FBRS: variants seen among roughly 807,000 people sequenced by gnomAD.
FBRS encodes the protein fibrosin, also known as probable fibrosin-1.
Under a neutral mutation model 86.1 loss-of-function variants are expected in FBRS, and 15 were observed. That is an observed-to-expected ratio of 0.17 (90% CI 0.12 to 0.27). FBRS has a LOEUF of 0.27. Among genes scored for constraint, FBRS ranks in the 10% least tolerant of loss-of-function variants. The pLI is 1.00. For synonymous variants in FBRS, 666 were observed against 575.8 expected, an observed-to-expected ratio of 1.16 and a Z score of -2.24; for missense variants, 1,367 against 1,301.6, an observed-to-expected ratio of 1.05 and a Z score of -0.77.
In FBRS at chr16:30,666,904, C is replaced by T. The variant is rs1310314336; in HGVS notation, c.1804-15C>T. ...TTCCTTCCCTTTCCCTTTGGTCATC[C>T]TTCTGGGGCGGCAGAAACCAGGGAA... On this transcript the variant is annotated splice_polypyrimidine_tract_variant and intron_variant, in intron 12 of 17. Transcript: ENST00000356166. 1.9e-6 allele frequency: 3 copies of T among 1,610,234 alleles called. No homozygotes were observed. The highest frequency in any genetic ancestry group is 2.5e-6 in the Non-Finnish European group (3 of 1,178,296).
chr16:30,664,399 CCCCCCCCA>C lies in FBRS; in HGVS notation c.1243_1250del (p.Pro415ThrfsTer32). Reference sequence around the variant, plus strand: ...CAGCTTTCCCCCTCCCGGGCTGCGGCCCCCCCCACCACCCCACCACCCCTCCTTGTTCT... The same window carrying C: ...CAGCTTTCCCCCTCCCGGGCTGCGGCCCACCCCACCACCCCTCCTTGTTCT... On this transcript the variant is annotated frameshift_variant, in exon 7 of 18. Coordinates refer to ENST00000356166, the MANE Select transcript of FBRS (RefSeq NM_001105079.3). LOFTEE classifies it high-confidence loss of function. The C allele has an allele frequency of 1.2e-6, 1 of 813,428 alleles. No individual in the cohort carries two copies. The highest frequency in any genetic ancestry group is 1.9e-6 in the Non-Finnish European group (1 of 536,060). The allele number at this position is 813,428 out of a possible 1,614,324, so 50.4% of individuals were successfully genotyped here.
chr16:30,665,337 G>A lies in FBRS; in HGVS notation c.1640G>A (p.Gly547Glu). 1 of 1,566,222 alleles carries A rather than the reference G, an allele frequency of 6.4e-7. No homozygotes were observed. Among genetic ancestry groups the A allele is most frequent in the Non-Finnish European group, 8.6e-7 (1 of 1,156,486 alleles). ...PYTAFPPAVP[G>E]LPPGLPPAVS... ...ACGGCCTTCCCTCCCGCAGTGCCCG[G>A]GCTGCCTCCGGGCCTCCCGCCGGCC... is the stretch of plus-strand genomic sequence containing the variant. Residue 547 changes from glycine to glutamate, a missense_variant, in exon 10 of 18, where the codon GGG becomes GAG. Coordinates refer to ENST00000356166, the MANE Select transcript of FBRS (RefSeq NM_001105079.3). This position sits in a 1 kb window ranked among gnomAD's most constrained non-coding sequence, Gnocchi z 4.1.
intron 6 of FBRS, among the ~76,000 whole-genome samples, chr16:30,663,323 G>C (rs777887286): frequency 4.6e-5 from 7 of 152,122 alleles, no homozygotes; most frequent in Non-Finnish European, 1.0e-4. Flanking sequence ...CTGTTGTGAG[G>C]ATTAACTACG....
intron 1 of FBRS, 104 bp from the exon 2 acceptor site, chr16:30,660,159 C>A (rs1228655313): frequency 7.1e-7 from 1 of 1,410,880 alleles, no homozygotes; most frequent in East Asian, 2.8e-5. Flanking sequence ...TCTCTGGGGA[C>A]CCGGTTTCCC....
At chr16:30,661,259 G>T (rs1488226097) in intron 3 of FBRS, 44 bp downstream of exon 3, 25 of 1,550,748 alleles carry the variant, frequency 1.6e-5, no homozygotes, top group Non-Finnish European at 2.2e-5. Flanking sequence ...GCTCCACCCT[G>T]GGCCTCTTCC....
At chr16:30,660,464 C>G (rs979629438) in intron 2 of FBRS, 22 bp downstream of exon 2, 47 of 1,256,508 alleles carry the variant, frequency 3.7e-5, no homozygotes, top group East Asian at 6.3e-5. Context: ...CCTTAAAACT[C>G]TTTAGGCAGA....
At position 30,665,933 on chromosome 16, in the gene FBRS, T is replaced by G. The variant is rs768353566; in HGVS notation, c.1773+227T>G. On this transcript the variant is annotated intron_variant, in intron 11 of 17. Coordinates refer to ENST00000356166, the MANE Select transcript of FBRS (RefSeq NM_001105079.3). This position sits in a 1 kb window ranked among gnomAD's most constrained non-coding sequence, Gnocchi z 4.1. The stretch of plus-strand genomic sequence containing the variant: ...ATAGGATGATTAGGACAATGGTTTT[T>G]GTAGTGGTTTTCAAACTTTTTAATA... 10 of 510,464 alleles carry G rather than the reference T, an allele frequency of 2.0e-5. No individual in the cohort carries two copies. Among genetic ancestry groups the G allele is most frequent in the Non-Finnish European group, 3.4e-5 (10 of 291,016 alleles). 31.6% of individuals were successfully genotyped at this position (510,464 alleles called of 1,614,324 possible).
At position 30,659,502 on chromosome 16, in the gene FBRS, C is replaced by T; in HGVS notation, c.-17C>T. 3.4e-6 allele frequency: 1 copy of T among 291,498 alleles called. No homozygotes were observed. The allele number at this position is 291,498 out of a possible 1,614,324, so 18.1% of individuals were successfully genotyped here. A position where few individuals can be genotyped will look rare whatever the true frequency, so the allele number is the denominator to read the frequency against. On this transcript the variant is annotated 5_prime_UTR_variant, in exon 1 of 18. Transcript: ENST00000356166. ...CGGGCCCCGCCGCCTCCGGATGCGGCGCTGAGGGCGGTCGCCATGGAGACG... is the reference window on the plus strand; with the variant it reads ...CGGGCCCCGCCGCCTCCGGATGCGGTGCTGAGGGCGGTCGCCATGGAGACG...
intron 2 of FBRS, among the ~76,000 whole-genome samples, chr16:30,660,957 CG>C (rs1229117594): frequency 6.6e-6 from 1 of 152,090 alleles, no homozygotes; most frequent in Non-Finnish European, 1.5e-5. Context: ...AGAAAAGACA[CG>C]GGGAAAAGTT....
chr16:30,664,716 GCAGGACCTGATCGGC>G lies in FBRS; in HGVS notation c.1370_1384del (p.Ile457_Leu461del). 6.5e-7 allele frequency: 1 copy of G among 1,533,850 alleles called. No individual in the cohort carries two copies. Among genetic ancestry groups the G allele is most frequent in the Non-Finnish European group, 8.8e-7 (1 of 1,136,990 alleles). On this transcript the variant is annotated inframe_deletion and splice_region_variant, in exon 8 of 18. Transcript: ENST00000356166. ...GCCTTCTCCCGTCCCCTCCCACAGA[GCAGGACCTGATCGGC>G]CAGGACCTGAACTCTCGCTACCTGA...
In FBRS at chr16:30,665,238, C is replaced by A; in HGVS notation, c.1609-68C>A. On this transcript the variant is annotated intron_variant, in intron 9 of 17. Transcript: ENST00000356166. This position sits in a 1 kb window ranked among gnomAD's most constrained non-coding sequence, Gnocchi z 4.1. ...GGGCTTTAGGGTGGAGGCCCGTGGA[C>A]TGACGGGCAGGCTGGACTTGGGCTG... 6.6e-7 allele frequency: 1 copy of A among 1,522,296 alleles called. No individual in the cohort carries two copies. Among genetic ancestry groups the A allele is most frequent in the Admixed American group, 2.0e-5 (1 of 49,158 alleles). The allele number at this position is 1,522,296 out of a possible 1,614,324, so 94.3% of individuals were successfully genotyped here. A position where few individuals can be genotyped will look rare whatever the true frequency, so the allele number is the denominator to read the frequency against.
intron 2 of FBRS, among the ~76,000 whole-genome samples, chr16:30,660,929 A>G (rs969153005): frequency 2.6e-5 from 4 of 152,206 alleles, no homozygotes; most frequent in African/African-American, 7.2e-5. Context: ...GTCCTGAAGT[A>G]TAGTCAGAAG....
chr16:30,664,398 GC>G lies in FBRS; in HGVS notation c.1247del (p.Pro416HisfsTer41). 1.7e-5 allele frequency: 24 copies of G among 1,376,300 alleles called. No homozygotes were observed. The highest frequency in any genetic ancestry group is 2.7e-5 in the East Asian group (1 of 36,410). The allele number at this position is 1,376,300 out of a possible 1,614,324, so 85.3% of individuals were successfully genotyped here. ...THSFPPPGLRPPPPPHHPSLF... is the reference protein window; with the variant it reads ...THSFPPPGLRXPPPPHHPSLF... ...ACAGCTTTCCCCCTCCCGGGCTGCG[GC>G]CCCCCCCACCACCCCACCACCCCTC... On this transcript the variant is annotated frameshift_variant, in exon 7 of 18. Coordinates refer to ENST00000356166, the MANE Select transcript of FBRS (RefSeq NM_001105079.3). LOFTEE classifies it high-confidence loss of function.
Position 30,669,444 on chromosome 16 carries a change from C to T in FBRS, c.2742C>T (p.Arg914=). 4 of 1,613,040 alleles carry T rather than the reference C, an allele frequency of 2.5e-6. No homozygotes were observed. The highest frequency in any genetic ancestry group is 3.4e-6 in the Non-Finnish European group (4 of 1,179,798). Reference sequence around the variant, plus strand: ...GACCCGGGGCCGTGGCCGCTGCCCGCCTCTACGGTCTGGAACCTGCTCACC... The same window carrying T: ...GACCCGGGGCCGTGGCCGCTGCCCGTCTCTACGGTCTGGAACCTGCTCACC... ...LTGPGAVAAA[R]LYGLEPAHPL... Residue 914 remains arginine, a synonymous_variant, in exon 18 of 18, where the codon CGC becomes CGT. Coordinates refer to ENST00000356166, the MANE Select transcript of FBRS (RefSeq NM_001105079.3). The surrounding 1 kb of genome is among the most constrained non-coding windows in gnomAD (Gnocchi z 5.9).
Position 30,670,403 on chromosome 16 carries a change from G to GCCCCCACCCCC in FBRS, c.*759_*769dup. Reference sequence around the variant, plus strand: ...CCCCCAACATGTTCCCGTTCACTCTGCCCCCACCCCCAAAGGCTCAGCCTC... The same window carrying GCCCCCACCCCC: ...CCCCCAACATGTTCCCGTTCACTCTGCCCCCACCCCCCCCCCACCCCCAAAGGCTCAGCCTC... On this transcript the variant is annotated 3_prime_UTR_variant, in exon 18 of 18. Coordinates refer to ENST00000356166, the MANE Select transcript of FBRS (RefSeq NM_001105079.3). 2.8e-6 allele frequency: 1 copy of GCCCCCACCCCC among 356,112 alleles called. No individual in the cohort carries two copies. The highest frequency in any genetic ancestry group is 3.8e-5 in the Admixed American group (1 of 26,242). 22.1% of individuals were successfully genotyped at this position (356,112 alleles called of 1,614,324 possible).
chr16:30,667,713 A>C, intron 15 of FBRS, 91 bp downstream of exon 15: 1 of 1,191,842 alleles, frequency 8.4e-7, no homozygotes, highest in South Asian at 1.7e-5. Flanking sequence ...GGAATGCAGG[A>C]TAGACCTGGT....
In FBRS at chr16:30,664,425, C is replaced by CCCAGTT; in HGVS notation, c.1266_1267insCCAGTT (p.Ser422_Leu423insProVal). ...CCCCCCCACCACCCCACCACCCCTC[C>CCCAGTT]TTGTTCTCCCCTGGCCCCACCCTGC... is the stretch of plus-strand genomic sequence containing the variant. On this transcript the variant is annotated inframe_insertion, in exon 7 of 18. Transcript: ENST00000356166. The CCCAGTT allele has an allele frequency of 7.1e-7, 1 of 1,401,664 alleles. No individual in the cohort carries two copies. Among genetic ancestry groups the CCCAGTT allele is most frequent in the Non-Finnish European group, 9.5e-7 (1 of 1,054,486 alleles). The allele number at this position is 1,401,664 out of a possible 1,614,324, so 86.8% of individuals were successfully genotyped here.
chr16:30,659,738 G>A lies in FBRS; in HGVS notation c.220G>A (p.Glu74Lys). 1 of 1,308,500 alleles carries A rather than the reference G, an allele frequency of 7.6e-7. No individual in the cohort carries two copies. The highest frequency in any genetic ancestry group is 1.0e-6 in the Non-Finnish European group (1 of 965,884). 81.1% of individuals were successfully genotyped at this position (1,308,500 alleles called of 1,614,324 possible). A position where few individuals can be genotyped will look rare whatever the true frequency, so the allele number is the denominator to read the frequency against. The change falls in exon 1 of 18, where the codon GAG becomes AAG. Residue 74 changes from glutamate to lysine, a missense_variant. This residue lies in a region of FBRS where 702 missense variants were observed against 598.7 expected (regional missense o/e 1.17). Transcript: ENST00000356166. ...GCCTTGGTCGTCAGCTTCGTCTGGA[G>A]AGCGGCCTGGGGGCCCGAGACGCCG... Reference protein sequence around the residue: ...ARPWSSASSGERPGGPRRRRP... With the variant: ...ARPWSSASSGKRPGGPRRRRP...
At position 30,660,389 on chromosome 16, in the gene FBRS, C is replaced by T. The variant is rs997585366; in HGVS notation, c.586C>T (p.Arg196Trp). Residue 196 changes from arginine to tryptophan, a missense_variant, in exon 2 of 18, where the codon CGG becomes TGG. By Grantham distance (101) the Arg-to-Trp change is moderately radical. This residue lies in a region of FBRS where 702 missense variants were observed against 598.7 expected (regional missense o/e 1.17). Coordinates refer to ENST00000356166, the MANE Select transcript of FBRS (RefSeq NM_001105079.3). ...PGDSSDREPG[R>W]PPGDRARKWP... is the part of the protein sequence containing the mutation. Reference sequence around the variant, plus strand: ...GGACAGCTCTGATCGAGAGCCTGGCCGGCCCCCTGGGGATCGGGCCCGAAA... The same window carrying T: ...GGACAGCTCTGATCGAGAGCCTGGCTGGCCCCCTGGGGATCGGGCCCGAAA... The T allele has an allele frequency of 1.3e-5, 16 of 1,262,032 alleles. No individual in the cohort carries two copies. Among genetic ancestry groups the T allele is most frequent in the South Asian group, 3.5e-5 (1 of 28,816 alleles). The allele number at this position is 1,262,032 out of a possible 1,614,324, so 78.2% of individuals were successfully genotyped here. A position where few individuals can be genotyped will look rare whatever the true frequency, so the allele number is the denominator to read the frequency against.
Sources: allele counts gnomAD v4.1 joint callset (sites outside exome capture counted in the v4.1 genomes callset), GRCh38; gene constraint gnomAD v4.1.1; regional missense constraint gnomAD v4.1.1; non-coding constraint Gnocchi (gnomAD v3.1); transcripts MANE v1.5; gene names NCBI Gene and HGNC (gene_info 2026-07-23, HGNC 2026-07-21).